The following ZMYND12 variants were observed in gnomAD, a reference collection of about 807,000 sequenced individuals.
The protein encoded by ZMYND12 is zinc finger MYND-type containing 12, also known as zinc finger MYND domain-containing protein 12.
Under a neutral mutation model 41.7 loss-of-function variants are expected in ZMYND12, and 32 were observed. The ratio of observed to expected loss-of-function variants is 0.77; its 90% CI spans 0.58 to 1.03. ZMYND12 has a LOEUF of 1.03. Among genes scored for constraint, ZMYND12 ranks in the 50% least tolerant of loss-of-function variants. The pLI, the probability that ZMYND12 is intolerant of heterozygous loss-of-function variation, is 0.00. For missense variants in ZMYND12, 424 were observed against 438.5 expected, an observed-to-expected ratio of 0.97 and a Z score of 0.30; for synonymous variants, 148 against 164.8, an observed-to-expected ratio of 0.90 and a Z score of 0.78.
At chr1:42,445,525 A>G (rs1643015108) in intron 3 of ZMYND12, among the ~76,000 whole-genome samples, 1 of 151,914 alleles carries the variant, frequency 6.6e-6, no homozygotes, top group Admixed American at 6.6e-5. Flanking sequence ...CTGAAACCTG[A>G]AAGATGATAA....
chr1:42,431,852 T>C (rs564844089), intron 7 of ZMYND12, among the ~76,000 whole-genome samples: 3 of 152,132 alleles, frequency 2.0e-5, no homozygotes, highest in South Asian at 2.1e-4. Flanking sequence ...CACTCTATTA[T>C]AACCTGTGAG....
intron 5 of ZMYND12, 140 bp from the exon 6 acceptor site, chr1:42,435,525 G>A: frequency 1.6e-6 from 1 of 636,786 alleles, no homozygotes; most frequent in South Asian, 1.8e-5. Context: ...GAGGCAGAGG[G>A]AACCCTAGGA....
chr1:42,439,467 T>C (rs6693212), intron 4 of ZMYND12, among the ~76,000 whole-genome samples: 2,797 of 152,226 alleles, frequency 0.018, 70 homozygotes, highest in African/African-American at 0.063. Flanking sequence ...GGTTTCACCA[T>C]GTTGGCCAGG....
intron 3 of ZMYND12, among the ~76,000 whole-genome samples, chr1:42,441,866 C>T (rs984316145): frequency 1.3e-5 from 2 of 152,176 alleles, no homozygotes; most frequent in South Asian, 2.1e-4. Context: ...GTGATCCGCC[C>T]GCCTCGGCCT....
chr1:42,437,872 C>T (rs1479662218), intron 4 of ZMYND12, among the ~76,000 whole-genome samples: 3 of 152,156 alleles, frequency 2.0e-5, no homozygotes, highest in Non-Finnish European at 4.4e-5. Flanking sequence ...GACGGGGTTT[C>T]ACCATGTTAG....
intron 3 of ZMYND12, among the ~76,000 whole-genome samples, chr1:42,445,001 G>A (rs1171178810): frequency 4.0e-5 from 6 of 151,026 alleles, no homozygotes; most frequent in Admixed American, 3.3e-4. Flanking sequence ...GTAGAGACAG[G>A]GTTTCACCGT....
At chr1:42,444,015 G>A (rs1165614657) in intron 3 of ZMYND12, among the ~76,000 whole-genome samples, 2 of 152,216 alleles carry the variant, frequency 1.3e-5, no homozygotes, top group East Asian at 3.9e-4. Context: ...ATAAGTGCAT[G>A]CCACCATGAC....
intron 5 of ZMYND12, 36 bp from the exon 6 acceptor site, chr1:42,435,421 C>T (rs1642895492): frequency 6.5e-7 from 1 of 1,528,562 alleles, no homozygotes; most frequent in African/African-American, 1.4e-5. Context: ...AACAAGCAGG[C>T]CAGACCTCAG....
In ZMYND12 at chr1:42,439,975, T is replaced by C; in HGVS notation, c.475A>G (p.Thr159Ala). ...AEEYLFQAQW[T>A]VLKSTDCSNA... The stretch of plus-strand genomic sequence containing the variant: ...CTACAGTCAGTTGATTTGAGGACTG[T>C]CCACTGGGCTTGGAATAGATATTCT... The change falls in exon 4 of 8, where the codon ACA becomes GCA. Residue 159 changes from threonine to alanine, a missense_variant. By Grantham distance (58) the Thr-to-Ala change is moderately conservative. Coordinates refer to ENST00000372565, the MANE Select transcript of ZMYND12 (RefSeq NM_032257.5). The C allele has an allele frequency of 6.2e-7, 1 of 1,613,750 alleles. No individual in the cohort carries two copies. The highest frequency in any genetic ancestry group is 8.5e-7 in the Non-Finnish European group (1 of 1,179,924).
intron 3 of ZMYND12, among the ~76,000 whole-genome samples, chr1:42,440,539 A>AACAGGGGGTCCAATGCAAGGGAGGCACTC: frequency 6.6e-6 from 1 of 152,164 alleles, no homozygotes; most frequent in African/African-American, 2.4e-5. Flanking sequence ...GGGAGGCACT[A>AACAGGGGGTCCAATGCAAGGGAGGCACTC]AGAGGGAGTA....
At chr1:42,453,331 CT>C (rs1038790799) in intron 1 of ZMYND12, among the ~76,000 whole-genome samples, 3 of 151,988 alleles carry the variant, frequency 2.0e-5, no homozygotes, top group African/African-American at 7.3e-5. Context: ...CCAACTATGT[CT>C]TTTTTTTCAC....
chr1:42,434,790 A>G (rs1396487017), intron 6 of ZMYND12, among the ~76,000 whole-genome samples: 1 of 152,032 alleles, frequency 6.6e-6, no homozygotes, highest in Non-Finnish European at 1.5e-5. Flanking sequence ...GATGCATGGT[A>G]TAATTATTTC....
At chr1:42,442,559 C>T (rs1043952916) in intron 3 of ZMYND12, among the ~76,000 whole-genome samples, 2 of 152,110 alleles carry the variant, frequency 1.3e-5, no homozygotes, top group Admixed American at 1.3e-4. Flanking sequence ...GAATAGAAAG[C>T]CACTACGTCA....
intron 6 of ZMYND12, among the ~76,000 whole-genome samples, chr1:42,434,424 A>G (rs1642884912): frequency 6.6e-6 from 1 of 152,198 alleles, no homozygotes; most frequent in Admixed American, 6.5e-5. Context: ...TCCTGGAGCA[A>G]GAGTCCCCAA....
intron 3 of ZMYND12, among the ~76,000 whole-genome samples, chr1:42,446,144 G>C (rs561555685): frequency 6.6e-6 from 1 of 152,126 alleles, no homozygotes; most frequent in Non-Finnish European, 1.5e-5. Flanking sequence ...CCCATGGAGC[G>C]GGAAGAGGTA....
Position 42,433,232 on chromosome 1 carries a change from C to T in ZMYND12, c.886G>A (p.Glu296Lys), listed in dbSNP as rs1335490750. The stretch of plus-strand genomic sequence containing the variant: ...TGGGGGGCTTTGTCAGATGTAGATT[C>T]TCGAATGTTCAAGATTGAAGTCAGG... ...RILTSILNIRESTSDKAPQKT... is the reference protein window; with the variant it reads ...RILTSILNIRKSTSDKAPQKT... The change falls in exon 7 of 8, where the codon GAA (glutamate) becomes AAA (lysine). Residue 296 changes from glutamate (E) to lysine (K), a missense_variant. Transcript: ENST00000372565. The T allele has an allele frequency of 1.2e-6, 2 of 1,612,670 alleles. No homozygotes were observed. Among genetic ancestry groups the T allele is most frequent in the Admixed American group, 1.7e-5 (1 of 59,768 alleles).
intron 4 of ZMYND12, among the ~76,000 whole-genome samples, chr1:42,438,082 T>G (rs1236295091): frequency 6.6e-6 from 1 of 151,572 alleles, no homozygotes; most frequent in Non-Finnish European, 1.5e-5. Context: ...GTGCTGGGAT[T>G]ACAGGCGTGA....
chr1:42,455,283 G>GC (rs1187604194), intron 1 of ZMYND12, among the ~76,000 whole-genome samples: 1 of 152,002 alleles, frequency 6.6e-6, no homozygotes, highest in Non-Finnish European at 1.5e-5. Flanking sequence ...TCCACATACT[G>GC]CCCCATTCAC....
chr1:42,451,907 A>T (rs1643086747), intron 1 of ZMYND12, among the ~76,000 whole-genome samples: 2 of 152,176 alleles, frequency 1.3e-5, no homozygotes, highest in Admixed American at 6.5e-5. Context: ...AGCTTTATTT[A>T]TATATTTGCG....
Sources: gnomAD v4.1 joint callset for allele counts (sites outside exome capture counted in the v4.1 genomes callset) on GRCh38, gnomAD v4.1.1 for gene constraint, MANE v1.5 for transcripts, NCBI Gene and HGNC (gene_info 2026-07-23, HGNC 2026-07-21) for gene names.